The following ZNF804A variants were observed in gnomAD, a reference collection of about 807,000 sequenced individuals.
The protein encoded by ZNF804A is zinc finger protein 804A.
A neutral mutation model predicts 16.5 loss-of-function variants in ZNF804A; 2 were observed. The ratio of observed to expected loss-of-function variants is 0.12; its 90% confidence interval spans 0.05 to 0.38. ZNF804A has a LOEUF of 0.38. ZNF804A is among the 10% of genes least tolerant of loss of function. The probability of loss-of-function intolerance (pLI) is 0.99; values close to 1 mark genes in which losing one functional copy is unlikely to be tolerated. For synonymous variants in ZNF804A, 534 were observed against 489.6 expected (o/e 1.09, Z -1.20); for missense variants, 1,473 against 1,390.7 (o/e 1.06, Z -0.94).
At chr2:184,665,253 A>T (rs925194788) in intron 1 of ZNF804A, among the ~76,000 whole-genome samples, 2 of 152,212 alleles carry the variant, frequency 1.3e-5, no homozygotes, top group East Asian at 3.8e-4. Flanking sequence ...AGCACTAAAG[A>T]TTCAATATTG....
chr2:184,727,660 TA>T (rs1356643449), intron 1 of ZNF804A, among the ~76,000 whole-genome samples: 3 of 151,700 alleles, frequency 2.0e-5, no homozygotes, highest in African/African-American at 7.2e-5. Context: ...GAAATAATTT[TA>T]TATACCAGGA....
chr2:184,937,950 G>A lies in ZNF804A; in HGVS notation c.2554G>A (p.Asp852Asn), dbSNP rs920826639. Residue 852 changes from aspartate to asparagine, a missense_variant, in exon 4 of 4, where the codon GAC becomes AAC. By Grantham distance (23) the Asp-to-Asn change is conservative. Transcript: ENST00000302277. ...LNPLDRLISE[D>N]KKEKMKPQEV... ...TCCTCTGGATAGGTTAATAAGTGAA[G>A]ACAAAAAAGAGAAAATGAAACCACA... 1 of 1,613,560 alleles carries A rather than the reference G, an allele frequency of 6.2e-7. No individual in the cohort carries two copies. Among genetic ancestry groups the A allele is most frequent in the African/African-American group, 1.3e-5 (1 of 74,810 alleles).
intron 1 of ZNF804A, among the ~76,000 whole-genome samples, chr2:184,633,683 G>T (rs746256529): frequency 6.6e-6 from 1 of 152,100 alleles, no homozygotes; most frequent in South Asian, 2.1e-4. Flanking sequence ...TGTCCACAAA[G>T]AAATAGAATC....
chr2:184,880,251 T>G (rs1201262268), intron 2 of ZNF804A, among the ~76,000 whole-genome samples: 1 of 152,066 alleles, frequency 6.6e-6, no homozygotes, highest in Non-Finnish European at 1.5e-5. Context: ...AAATTAAGAA[T>G]GGAAGAGTAA....
intron 1 of ZNF804A, among the ~76,000 whole-genome samples, chr2:184,636,330 GAGAGAGAA>G (rs919985588): frequency 1.3e-5 from 2 of 150,396 alleles, no homozygotes; most frequent in Admixed American, 1.3e-4. Flanking sequence ...GTGAGAGAGA[GAGAGAGAA>G]AGAGAGAGAG....
intron 1 of ZNF804A, among the ~76,000 whole-genome samples, chr2:184,653,566 C>G (rs968759572): frequency 6.6e-6 from 1 of 152,168 alleles, no homozygotes; most frequent in Non-Finnish European, 1.5e-5. Context: ...ATTTGGAGAT[C>G]GAGTGCAGAG....
chr2:184,768,274 G>A (rs984073170), intron 1 of ZNF804A, among the ~76,000 whole-genome samples: 30 of 151,924 alleles, frequency 2.0e-4, no homozygotes, highest in African/African-American at 7.0e-4. Flanking sequence ...TTATATAAGG[G>A]ACTTAGCATC....
rs569435710 is a variant in ZNF804A, at chr2:184,661,316, C to A, written c.111+62246C>A. On this transcript the variant is annotated intron_variant, in intron 1 of 3. Coordinates refer to ENST00000302277, the MANE Select transcript of ZNF804A (RefSeq NM_194250.2). ...CGAGTAGGAAGGGAGGGTTACAGCT[C>A]TTTCACTCGCACCAACCACAGCTCA... Among the ~76,000 whole-genome samples, 107 of 152,278 alleles carry A rather than the reference C, an allele frequency of 7.0e-4. 1 individual carries two copies. Among genetic ancestry groups the A allele is most frequent in the African/African-American group, 2.5e-3 (102 of 41,550 alleles).
chr2:184,649,693 A>G (rs1334122259), intron 1 of ZNF804A, among the ~76,000 whole-genome samples: 1 of 151,950 alleles, frequency 6.6e-6, no homozygotes, highest in Non-Finnish European at 1.5e-5. Flanking sequence ...TTCTTCTAGA[A>G]TTTCCTCTGG....
chr2:184,624,893 G>A (rs1373371933), intron 1 of ZNF804A, among the ~76,000 whole-genome samples: 1 of 152,096 alleles, frequency 6.6e-6, no homozygotes, highest in African/African-American at 2.4e-5. Flanking sequence ...TGTTGAATGG[G>A]AGTGGGTGAG....
chr2:184,846,418 T>A (rs1049137791), intron 1 of ZNF804A, among the ~76,000 whole-genome samples: 31 of 152,138 alleles, frequency 2.0e-4, no homozygotes, highest in African/African-American at 7.5e-4. Context: ...TTGAAATAAG[T>A]ACCCTCAATT....
rs1685739708 is a variant in ZNF804A at position 184,933,624 on chromosome 2, A to T, written c.277A>T (p.Arg93Trp). 6.2e-7 allele frequency: 1 copy of T among 1,603,668 alleles called. No homozygotes were observed. Among genetic ancestry groups the T allele is most frequent in the Non-Finnish European group, 8.5e-7 (1 of 1,176,920 alleles). ...HKQRLKELKQ[R>W]EFARNVASKS... ...ACAGAGGCTCAAGGAACTGAAACAA[A>T]GGGAATTTGCTCGAAATGTAGCATC... Residue 93 changes from arginine to tryptophan, a missense_variant, in exon 3 of 4, where the codon AGG becomes TGG. Physicochemically the swap from Arg to Trp is moderately radical, Grantham distance 101 (BLOSUM62 -3). Transcript: ENST00000302277.
At chr2:184,801,724 C>T (rs138005664) in intron 1 of ZNF804A, among the ~76,000 whole-genome samples, 18 of 152,270 alleles carry the variant, frequency 1.2e-4, no homozygotes, top group African/African-American at 4.3e-4. Context: ...ACATTAACAA[C>T]GTAACAGCTA....
chr2:184,767,886 C>T (rs1039608481), intron 1 of ZNF804A, among the ~76,000 whole-genome samples: 2 of 151,976 alleles, frequency 1.3e-5, no homozygotes, highest in African/African-American at 4.8e-5. Flanking sequence ...CAAATCTGTT[C>T]GCTACTAAAG....
intron 1 of ZNF804A, among the ~76,000 whole-genome samples, chr2:184,629,053 G>A (rs1171427092): frequency 1.3e-5 from 2 of 151,880 alleles, no homozygotes; most frequent in Non-Finnish European, 2.9e-5. Flanking sequence ...CCTAATTTGT[G>A]AAAAGTGTTA....
intron 2 of ZNF804A, among the ~76,000 whole-genome samples, chr2:184,868,450 G>C (rs1164497514): frequency 6.6e-6 from 1 of 151,932 alleles, no homozygotes; most frequent in East Asian, 1.9e-4. Context: ...AAACAGATTG[G>C]ATATAGACAA....
intron 1 of ZNF804A, among the ~76,000 whole-genome samples, chr2:184,763,548 C>T (rs1694072045): frequency 6.7e-6 from 1 of 150,114 alleles, no homozygotes; most frequent in African/African-American, 2.4e-5. Flanking sequence ...ATTATGAAGG[C>T]CATTAATTTA....
intron 2 of ZNF804A, among the ~76,000 whole-genome samples, chr2:184,879,964 A>AT (rs1684783431): frequency 6.6e-6 from 1 of 152,020 alleles, no homozygotes; most frequent in South Asian, 2.1e-4. Flanking sequence ...GATTTTTCAC[A>AT]TTTTTTTCTA....
chr2:184,860,175 G>C (rs1695776197), intron 1 of ZNF804A, among the ~76,000 whole-genome samples: 1 of 152,234 alleles, frequency 6.6e-6, no homozygotes, highest in African/African-American at 2.4e-5. Flanking sequence ...TCCAGGGCAT[G>C]TGGACTTGCC....
Sources: allele counts gnomAD v4.1 joint callset (sites outside exome capture counted in the v4.1 genomes callset), GRCh38; gene constraint gnomAD v4.1.1; transcripts MANE v1.5; gene names NCBI Gene and HGNC (gene_info 2026-07-23, HGNC 2026-07-21).